Variants in PHACTR3 observed in about 807,000 individuals in gnomAD.
The protein encoded by PHACTR3 is phosphatase and actin regulator 3.
PHACTR3 carries 16 observed loss-of-function variants against 66.8 expected under a neutral mutation model. That is an observed-to-expected ratio of 0.24 (90% CI 0.16 to 0.36). PHACTR3 has a LOEUF of 0.36. PHACTR3 is among the 10% of genes least tolerant of loss of function. The probability of loss-of-function intolerance (pLI) is 1.00; values close to 1 mark genes in which losing one functional copy is unlikely to be tolerated. For missense variants in PHACTR3, 647 were observed against 719.9 expected (o/e 0.90, Z 1.16); for synonymous variants, 323 against 292.1 (o/e 1.11, Z -1.08).
At chr20:59,765,458 G>A (rs1317212142) in intron 4 of PHACTR3, among the ~76,000 whole-genome samples, 1 of 152,036 alleles carries the variant, frequency 6.6e-6, no homozygotes, top group Non-Finnish European at 1.5e-5. Flanking sequence ...GTGTTGTTGA[G>A]GGAGAACAAC....
chr20:59,757,079 A>G (rs1160006443), intron 4 of PHACTR3, among the ~76,000 whole-genome samples: 2 of 152,372 alleles, frequency 1.3e-5, no homozygotes, highest in East Asian at 3.9e-4. Context: ...GAAGATATTT[A>G]TGCAACCCGC....
chr20:59,842,778 G>T (rs572612673), intron 11 of PHACTR3, among the ~76,000 whole-genome samples: 2 of 152,110 alleles, frequency 1.3e-5, no homozygotes, highest in Non-Finnish European at 2.9e-5. Flanking sequence ...CATGTGCTTG[G>T]TCCGTTTAGG....
intron 1 of PHACTR3, among the ~76,000 whole-genome samples, chr20:59,708,745 T>C (rs2037809501): frequency 6.6e-6 from 1 of 152,330 alleles, no homozygotes. Flanking sequence ...CTCTTCTTTA[T>C]TCAGAGACTT....
At chr20:59,668,242 G>A (rs1568690604) in intron 1 of PHACTR3, among the ~76,000 whole-genome samples, 1 of 151,952 alleles carries the variant, frequency 6.6e-6, no homozygotes, top group African/African-American at 2.4e-5. Context: ...GGTTAGAGGT[G>A]GGCACATACT....
At chr20:59,801,752 T>G (rs955676248) in intron 7 of PHACTR3, among the ~76,000 whole-genome samples, 3 of 152,178 alleles carry the variant, frequency 2.0e-5, no homozygotes, top group African/African-American at 7.2e-5. Flanking sequence ...GGAGTGAAAA[T>G]GTTTTAAGCT....
intron 1 of PHACTR3, among the ~76,000 whole-genome samples, chr20:59,664,300 C>A (rs1369032529): frequency 6.6e-6 from 1 of 152,140 alleles, no homozygotes; most frequent in African/African-American, 2.4e-5. Flanking sequence ...ATTCCCCCAG[C>A]AACCCACCTC....
At chr20:59,823,277 T>C (rs1357542028) in intron 8 of PHACTR3, among the ~76,000 whole-genome samples, 1 of 152,174 alleles carries the variant, frequency 6.6e-6, no homozygotes, top group Non-Finnish European at 1.5e-5. Context: ...TGGGTCTTTA[T>C]AGGAGTCCTA....
At chr20:59,769,831 C>T (rs2040305146) in intron 5 of PHACTR3, among the ~76,000 whole-genome samples, 1 of 152,188 alleles carries the variant, frequency 6.6e-6, no homozygotes, top group South Asian at 2.1e-4. Context: ...GTAGATGAAT[C>T]CAAATATTCA....
intron 1 of PHACTR3, among the ~76,000 whole-genome samples, chr20:59,687,801 A>G (rs1468795548): frequency 6.6e-6 from 1 of 152,126 alleles, no homozygotes; most frequent in African/African-American, 2.4e-5. Flanking sequence ...GTAGCAGGAC[A>G]CTGTGCTAGG....
intron 1 of PHACTR3, among the ~76,000 whole-genome samples, chr20:59,620,248 C>T (rs183480804): frequency 2.0e-5 from 3 of 152,218 alleles, no homozygotes; most frequent in South Asian, 2.1e-4. Context: ...ATAACTCCTG[C>T]GTACCTTTCA....
intron 1 of PHACTR3, among the ~76,000 whole-genome samples, chr20:59,716,277 C>T (rs944010874): frequency 2.0e-5 from 3 of 150,124 alleles, no homozygotes; most frequent in Non-Finnish European, 4.4e-5. Flanking sequence ...GACAGAGTCT[C>T]GTTCTGTTGC....
At chr20:59,729,763 G>A (rs771020240) in intron 1 of PHACTR3, among the ~76,000 whole-genome samples, 15 of 152,172 alleles carry the variant, frequency 9.9e-5, no homozygotes, top group Non-Finnish European at 2.1e-4. Context: ...ACAATCACCA[G>A]AGGAACCAGG....
In PHACTR3 at chr20:59,605,138, G is replaced by C; in HGVS notation, c.118+6G>C. 7.5e-7 allele frequency: 1 copy of C among 1,324,956 alleles called. No homozygotes were observed. The allele number at this position is 1,324,956 out of a possible 1,614,324, so 82.1% of individuals were successfully genotyped here. ...GGACGCCGGGGAGAACCCAGGTAAC[G>C]GGCTGGGCGGGGGCGGCGGGCGGGT... On this transcript the variant is annotated splice_donor_region_variant and intron_variant, in intron 1 of 12. Transcript: ENST00000371015.
intron 7 of PHACTR3, among the ~76,000 whole-genome samples, chr20:59,789,249 A>G (rs1751842): frequency 0.97 from 148,316 of 152,156 alleles, 72,316 homozygotes; most frequent in East Asian, 1. Context: ...ATGAGGAGGC[A>G]GAGACTGGAG....
chr20:59,764,643 C>T (rs999067033), intron 4 of PHACTR3, among the ~76,000 whole-genome samples: 5 of 152,126 alleles, frequency 3.3e-5, no homozygotes, highest in Admixed American at 2.0e-4. Flanking sequence ...GCCGGGTGAG[C>T]CAGTTCCGTG....
At chr20:59,711,090 T>C (rs1036970832) in intron 1 of PHACTR3, among the ~76,000 whole-genome samples, 26 of 152,202 alleles carry the variant, frequency 1.7e-4, no homozygotes, top group Non-Finnish European at 3.1e-4. Context: ...ATATTGTATA[T>C]ATAATTACAT....
intron 7 of PHACTR3, among the ~76,000 whole-genome samples, chr20:59,803,933 C>T (rs752720272): frequency 2.6e-5 from 4 of 152,142 alleles, no homozygotes; most frequent in Non-Finnish European, 5.9e-5. Flanking sequence ...GAAAGCTCTC[C>T]GTCCGTCCCT....
At chr20:59,662,905 C>T (rs2035861740) in intron 1 of PHACTR3, among the ~76,000 whole-genome samples, 2 of 152,180 alleles carry the variant, frequency 1.3e-5, no homozygotes, top group African/African-American at 4.8e-5. Flanking sequence ...GCTGCTATAA[C>T]AAATGACCAC....
At chr20:59,645,018 G>C (rs1234422527) in intron 1 of PHACTR3, among the ~76,000 whole-genome samples, 1 of 151,804 alleles carries the variant, frequency 6.6e-6, no homozygotes, top group Non-Finnish European at 1.5e-5. Context: ...CCCCTCCTTC[G>C]CTCCCTCCCT....
Sources: allele counts gnomAD v4.1 joint callset (sites outside exome capture counted in the v4.1 genomes callset), GRCh38; gene constraint gnomAD v4.1.1; transcripts MANE v1.5; gene names NCBI Gene and HGNC (gene_info 2026-07-23, HGNC 2026-07-21).